The following WDR86 variants were observed in gnomAD, a reference collection of about 807,000 sequenced individuals.
WDR86 encodes WD repeat domain 86, also known as WD repeat-containing protein 86.
Under a neutral mutation model 36.5 loss-of-function variants are expected in WDR86, and 30 were observed. The observed-to-expected ratio is 0.82, with a 90% CI of 0.61 to 1.11. The LOEUF (loss-of-function observed/expected upper bound fraction) is 1.11. Ranked by LOEUF, WDR86 falls within the 50% of genes most tolerant of loss-of-function variation. The pLI, the probability that WDR86 is intolerant of heterozygous loss-of-function variation, is 0.00. For missense variants in WDR86, 545 were observed against 561.2 expected (o/e 0.97, Z 0.29); for synonymous variants, 255 against 252.9 (o/e 1.01, Z -0.08).
In WDR86 at chr7:151,385,228, G is replaced by A. The variant is rs749805090; in HGVS notation, c.727-5C>T. 2.6e-5 allele frequency: 42 copies of A among 1,610,754 alleles called. No individual in the cohort carries two copies. The highest frequency in any genetic ancestry group is 3.2e-5 in the Non-Finnish European group (38 of 1,179,882). ...GTACACGAGTCGGTTCACCAGCTGC[G>A]AGGAGGAGCAGGGAAGGTCGGCAGC... On this transcript the variant is annotated splice_region_variant and splice_polypyrimidine_tract_variant and intron_variant, in intron 3 of 5. Transcript: ENST00000334493.
intron 2 of WDR86, among the ~76,000 whole-genome samples, chr7:151,399,497 T>G (rs1479925335): frequency 6.6e-6 from 1 of 152,168 alleles, no homozygotes; most frequent in Non-Finnish European, 1.5e-5. Context: ...GAGGCCTCCC[T>G]CGGGAGTCCG....
At chr7:151,375,793 C>A (rs192595893), downstream of WDR86, 4 of 1,186,768 alleles carry the variant, frequency 3.4e-6, no homozygotes, top group Non-Finnish European at 5.0e-6. Flanking sequence ...CAGCGCCTGT[C>A]TGAATGTGTG....
rs542563842 is a variant in WDR86 at position 151,393,334 on chromosome 7, G to A, written c.726+2442C>T. 2.0e-5 allele frequency among the ~76,000 whole-genome samples: 3 copies of A among 152,186 alleles called. No homozygotes were observed. In the South Asian group the frequency reaches 6.2e-4, roughly 32 times the overall value. ...TGTGTGGGGTGGGAGCTGTCTCTCC[G>A]CACTCTCTCCTTTAGCCTTCCTGAC... On this transcript the variant is annotated intron_variant, in intron 3 of 5. Coordinates refer to ENST00000334493, the MANE Select transcript of WDR86 (RefSeq NM_198285.3).
intron 3 of WDR86, among the ~76,000 whole-genome samples, chr7:151,393,073 A>G (rs1799549239): frequency 6.6e-6 from 1 of 152,176 alleles, no homozygotes; most frequent in Non-Finnish European, 1.5e-5. Flanking sequence ...GGGAAAGAAA[A>G]CAAAGGCACA....
rs533431010 is a variant in WDR86 at position 151,405,599 on chromosome 7, A to T, written c.163+3828T>A. ...ACGTGGCCACCAGAGACTTGTAGCA[A>T]ATCTGCAAGCCCCCACTTTGAACCA... On this transcript the variant is annotated intron_variant, in intron 1 of 5. Transcript: ENST00000334493. This position sits in a 1 kb window ranked among gnomAD's most constrained non-coding sequence, Gnocchi z 4.7. 5.3e-5 allele frequency among the ~76,000 whole-genome samples: 8 copies of T among 152,032 alleles called. No homozygotes were observed. The highest frequency in any genetic ancestry group is 8.8e-5 in the Non-Finnish European group (6 of 68,006).
intron 2 of WDR86, among the ~76,000 whole-genome samples, chr7:151,398,117 CAT>C (rs1431687062): frequency 6.6e-6 from 1 of 152,180 alleles, no homozygotes; most frequent in Non-Finnish European, 1.5e-5. Flanking sequence ...CACATGTGAA[CAT>C]GTGTGCATAT....
chr7:151,400,474 C>T (rs1000225913), intron 1 of WDR86, among the ~76,000 whole-genome samples: 4 of 152,136 alleles, frequency 2.6e-5, no homozygotes, highest in African/African-American at 4.8e-5. Context: ...CTCTGCCTCC[C>T]GGGTTCAAGT....
chr7:151,398,604 C>T (rs572313247), intron 2 of WDR86, among the ~76,000 whole-genome samples: 8 of 148,842 alleles, frequency 5.4e-5, no homozygotes, highest in East Asian at 2.0e-4. Flanking sequence ...TGTATGTGTG[C>T]GCACGTGTGT....
At chr7:151,392,631 A>AACTC (rs1799519104) in intron 3 of WDR86, among the ~76,000 whole-genome samples, 1 of 152,070 alleles carries the variant, frequency 6.6e-6, no homozygotes, top group Non-Finnish European at 1.5e-5. Context: ...AGAGGAGGCA[A>AACTC]ACTCCACCCC....
chr7:151,382,003 TG>T, intron 4 of WDR86, 22 bp from the exon 5 acceptor site: 1 of 1,573,326 alleles, frequency 6.4e-7, no homozygotes, highest in Non-Finnish European at 8.6e-7. Context: ...CAGCGCGCGC[TG>T]GGCCTCCCTC....
At chr7:151,377,243 C>A, downstream of WDR86, 1 of 1,467,850 alleles carries the variant, frequency 6.8e-7, no homozygotes, top group Non-Finnish European at 9.2e-7. Flanking sequence ...ACAGAAATAG[C>A]GCTAATTTTC....
chr7:151,389,254 C>G (rs1289807408), intron 3 of WDR86, among the ~76,000 whole-genome samples: 2 of 151,990 alleles, frequency 1.3e-5, no homozygotes, highest in African/African-American at 4.8e-5. Context: ...CCGTGCCCGG[C>G]CCTCCAGTCT....
rs1800750295 is a variant in WDR86, at chr7:151,406,981, T to C, written c.163+2446A>G. On this transcript the variant is annotated intron_variant, in intron 1 of 5. Transcript: ENST00000334493. This position sits in a 1 kb window ranked among gnomAD's most constrained non-coding sequence, Gnocchi z 4.4. Reference sequence around the variant, plus strand: ...AAGGAACTGGCAACACCTTGCTTTCTTTGGGGATCCACACAAAAGGACTGT... The same window carrying C: ...AAGGAACTGGCAACACCTTGCTTTCCTTGGGGATCCACACAAAAGGACTGT... Among the ~76,000 whole-genome samples, 1 of 152,092 alleles carries C rather than the reference T, an allele frequency of 6.6e-6. No individual in the cohort carries two copies. The highest frequency in any genetic ancestry group is 1.5e-5 in the Non-Finnish European group (1 of 68,016).
At chr7:151,376,147 G>C, downstream of WDR86, 1 of 546,376 alleles carries the variant, frequency 1.8e-6, no homozygotes, top group Non-Finnish European at 3.3e-6. Context: ...AGGAAAACTG[G>C]GGAAGTGTCA....
At chr7:151,376,124 C>T, downstream of WDR86, 1 of 569,046 alleles carries the variant, frequency 1.8e-6, no homozygotes, top group East Asian at 3.0e-5. Context: ...CAGGGGAGGC[C>T]TCCTTGGAAA....
intron 1 of WDR86, among the ~76,000 whole-genome samples, chr7:151,402,839 G>A (rs1800440263): frequency 6.6e-6 from 1 of 152,210 alleles, no homozygotes; most frequent in Non-Finnish European, 1.5e-5. Flanking sequence ...TTATGCCTCA[G>A]GCATTGCTTA....
Position 151,381,187 on chromosome 7 carries a change from A to C in WDR86, c.*395T>G, listed in dbSNP as rs1584987912. On this transcript the variant is annotated 3_prime_UTR_variant, in exon 6 of 6. Transcript: ENST00000334493. The surrounding 1 kb of genome is among the most constrained non-coding windows in gnomAD (Gnocchi z 4.8). ...GCCCTCGAGACGGACGATTTGCCAA[A>C]ATAACCAGGTTCAGTGGCTTCTGTA... The C allele has an allele frequency of 8.0e-7, 1 of 1,251,682 alleles. No individual in the cohort carries two copies. Among genetic ancestry groups the C allele is most frequent in the Non-Finnish European group, 1.0e-6 (1 of 1,000,822 alleles). The allele number at this position is 1,251,682 out of a possible 1,614,324, so 77.5% of individuals were successfully genotyped here.
chr7:151,392,560 G>A (rs1204407990), intron 3 of WDR86, among the ~76,000 whole-genome samples: 8 of 152,132 alleles, frequency 5.3e-5, no homozygotes, highest in Admixed American at 1.3e-4. Flanking sequence ...CCTGCGGAGC[G>A]CCGCCCATTC....
chr7:151,395,083 G>A (rs747610766), intron 3 of WDR86, among the ~76,000 whole-genome samples: 6 of 152,210 alleles, frequency 3.9e-5, no homozygotes, highest in Non-Finnish European at 5.9e-5. Context: ...GCAACCCCAC[G>A]TCCCACACGG....
Sources: gnomAD v4.1 joint callset for allele counts (sites outside exome capture counted in the v4.1 genomes callset) on GRCh38, gnomAD v4.1.1 for gene constraint, Gnocchi (gnomAD v3.1) non-coding constraint, MANE v1.5 for transcripts, NCBI Gene and HGNC (gene_info 2026-07-23, HGNC 2026-07-21) for gene names.